EPB41: variants seen among roughly 807,000 people sequenced by gnomAD.
EPB41 encodes the protein erythrocyte membrane protein band 4.1, also known as protein 4.1.
EPB41 carries 65 observed loss-of-function variants against 108.0 expected under a neutral mutation model. That is an observed-to-expected ratio of 0.60 (90% CI 0.49 to 0.74). The LOEUF is 0.74. EPB41 is among the 30% of genes least tolerant of loss of function. EPB41 has a pLI of 0.00. For missense variants in EPB41, 875 were observed against 1,037.0 expected, an observed-to-expected ratio of 0.84 and a Z score of 2.15; for synonymous variants, 336 against 358.9, an observed-to-expected ratio of 0.94 and a Z score of 0.72.
chr1:28,989,475 A>T, intron 2 of EPB41: 1 of 787,190 alleles, frequency 1.3e-6, no homozygotes, highest in Non-Finnish European at 1.5e-6. Flanking sequence ...GGGGGGAAAA[A>T]AGTAAAAGTC....
intron 1 of EPB41, among the ~76,000 whole-genome samples, chr1:28,966,563 A>G (rs2095361644): frequency 6.6e-6 from 1 of 152,254 alleles, no homozygotes; most frequent in South Asian, 2.1e-4. Flanking sequence ...AGTAAAAACC[A>G]TATAGTATGT....
At position 28,968,982 on chromosome 1, in the gene EPB41, CA is replaced by C. The variant is rs57580988; in HGVS notation, c.-7-18439del. On this transcript the variant is annotated intron_variant, in intron 1 of 20. Coordinates refer to ENST00000343067, the MANE Select transcript of EPB41 (RefSeq NM_001376013.1). ...TCTGCCTCCAAAACCCCCCACCCCC[CA>C]AAAAAAAAACACAAACTAAATGAAC... Among the ~76,000 whole-genome samples the C allele has an allele frequency of 4.1e-3, 567 of 137,836 alleles. 8 individuals carry two copies. Among genetic ancestry groups the C allele is most frequent in the African/African-American group, 0.014 (530 of 37,266 alleles). 90.4% of individuals were successfully genotyped at this position (137,836 alleles called of 152,430 possible). A position where few individuals can be genotyped will look rare whatever the true frequency, so the allele number is the denominator to read the frequency against.
Position 28,926,076 on chromosome 1 carries a change from G to A in EPB41, c.-8+11308G>A, listed in dbSNP as rs186014228. On this transcript the variant is annotated intron_variant, in intron 1 of 20. Transcript: ENST00000343067. ...AAAAAAATTATAGGCCAGATGCAGT[G>A]GCTCACACCTGTAATCCCAGCACTT... Among the ~76,000 whole-genome samples, 53 of 151,882 alleles carry A rather than the reference G, an allele frequency of 3.5e-4. 1 individual carries two copies. The East Asian group carries it at 9.9e-3, about 28-fold the overall frequency.
rs576706490 is a variant in EPB41, at chr1:28,999,360, A to ACTC, written c.786+2043_786+2045dup. On this transcript the variant is annotated intron_variant, in intron 4 of 20. Transcript: ENST00000343067. ...GCTCCAGCCTGGGCAACAGAGTGAG[A>ACTC]CTCCATCTCAAAAAAAAGAAAAAAG... Among the ~76,000 whole-genome samples, 570 of 152,184 alleles carry ACTC rather than the reference A, an allele frequency of 3.7e-3. 6 individuals carry two copies. Among genetic ancestry groups the ACTC allele is most frequent in the African/African-American group, 0.013 (529 of 41,520 alleles).
At position 29,017,755 on chromosome 1, in the gene EPB41, T is replaced by A. The variant is rs11807165; in HGVS notation, c.906-469T>A. ...TGGTTTTGGAGCCAGTCTTCATTAC[T>A]ACCTGACACCGAGCACGCTAAGCTT... On this transcript the variant is annotated intron_variant, in intron 6 of 20. Coordinates refer to ENST00000343067, the MANE Select transcript of EPB41 (RefSeq NM_001376013.1). 7.7e-3 allele frequency among the ~76,000 whole-genome samples: 1,174 copies of A among 152,326 alleles called. 9 individuals are homozygous for A. Among genetic ancestry groups the A allele is most frequent in the African/African-American group, 0.027 (1,106 of 41,558 alleles).
At chr1:29,064,834 G>A in intron 15 of EPB41, 148 bp from the exon 16 acceptor site, 1 of 996,606 alleles carries the variant, frequency 1.0e-6, no homozygotes. Context: ...ATACCATGTT[G>A]TATATTTATA....
At chr1:28,900,032 C>A (rs969121838) in intron 1 of EPB41, among the ~76,000 whole-genome samples, 1 of 152,048 alleles carries the variant, frequency 6.6e-6, no homozygotes, top group Non-Finnish European at 1.5e-5. Flanking sequence ...GTACTCAGTC[C>A]GTAGCTGACA....
At chr1:28,953,426 G>C (rs1018720016) in intron 1 of EPB41, among the ~76,000 whole-genome samples, 1 of 152,124 alleles carries the variant, frequency 6.6e-6, no homozygotes, top group African/African-American at 2.4e-5. Context: ...CAGCTGACTT[G>C]AGAAATCCCT....
chr1:28,999,897 C>T (rs2096262757), intron 4 of EPB41, among the ~76,000 whole-genome samples: 1 of 152,088 alleles, frequency 6.6e-6, no homozygotes, highest in Admixed American at 6.5e-5. Context: ...GATCCTCCCA[C>T]CTCAGTCTTC....
At chr1:28,889,207 T>C (rs1272370213) in intron 1 of EPB41, among the ~76,000 whole-genome samples, 1 of 152,176 alleles carries the variant, frequency 6.6e-6, no homozygotes, top group East Asian at 1.9e-4. Flanking sequence ...GCAATGTGTA[T>C]GCAGACCAGA....
intron 4 of EPB41, among the ~76,000 whole-genome samples, chr1:29,000,971 C>T (rs1354012453): frequency 6.6e-6 from 1 of 152,062 alleles, no homozygotes; most frequent in East Asian, 1.9e-4. Context: ...GGGGAAGATT[C>T]ATCTTAGGAT....
chr1:29,094,133 G>A (rs1662334638), intron 16 of EPB41, among the ~76,000 whole-genome samples: 1 of 152,032 alleles, frequency 6.6e-6, no homozygotes, highest in Non-Finnish European at 1.5e-5. Flanking sequence ...CTCATTGCTT[G>A]TTTTTGTCAG....
At chr1:29,093,206 C>T (rs931068054) in intron 16 of EPB41, among the ~76,000 whole-genome samples, 1 of 152,192 alleles carries the variant, frequency 6.6e-6, no homozygotes, top group African/African-American at 2.4e-5. Context: ...GCAACCTCAC[C>T]AGCATCTGTT....
chr1:28,904,269 A>T (rs2091581478), intron 1 of EPB41, among the ~76,000 whole-genome samples: 2 of 150,680 alleles, frequency 1.3e-5, no homozygotes, highest in Non-Finnish European at 2.9e-5. Flanking sequence ...TCATGCTAGG[A>T]TCCCCAGTGC....
chr1:28,928,482 G>C (rs141625421), intron 1 of EPB41, among the ~76,000 whole-genome samples: 1 of 152,184 alleles, frequency 6.6e-6, no homozygotes, highest in Non-Finnish European at 1.5e-5. Context: ...CAGTACAGGG[G>C]TGTTGGGTTA....
chr1:29,024,019 A>G (rs2096681862), intron 7 of EPB41, among the ~76,000 whole-genome samples: 1 of 152,012 alleles, frequency 6.6e-6, no homozygotes, highest in South Asian at 2.1e-4. Context: ...GTATATAGTG[A>G]GAGTTCAAAT....
At chr1:28,941,592 A>G (rs913876928) in intron 1 of EPB41, among the ~76,000 whole-genome samples, 4 of 152,182 alleles carry the variant, frequency 2.6e-5, no homozygotes, top group Non-Finnish European at 5.9e-5. Flanking sequence ...CACATAAATA[A>G]GTGATTTAAA....
At chr1:29,097,518 A>AGTCT in intron 16 of EPB41, 1 of 433,616 alleles carries the variant, frequency 2.3e-6, no homozygotes, top group East Asian at 4.8e-5. Flanking sequence ...TCTGAAGGTC[A>AGTCT]GTCTGAAGTG....
intron 1 of EPB41, among the ~76,000 whole-genome samples, chr1:28,986,300 A>G (rs2095868188): frequency 6.6e-6 from 1 of 152,138 alleles, no homozygotes; most frequent in Non-Finnish European, 1.5e-5. Context: ...AAGGTCATCA[A>G]TAGTCGACTT....
Sources: allele counts gnomAD v4.1 joint callset (sites outside exome capture counted in the v4.1 genomes callset), GRCh38; gene constraint gnomAD v4.1.1; transcripts MANE v1.5; gene names NCBI Gene and HGNC (gene_info 2026-07-23, HGNC 2026-07-21).